TUSC3: variants seen among roughly 807,000 people sequenced by gnomAD.
The protein encoded by TUSC3 is dolichyl-diphosphooligosaccharide--protein glycosyltransferase subunit TUSC3.
TUSC3 carries 45 observed loss-of-function variants against 44.8 expected under a neutral mutation model. The ratio of observed to expected loss-of-function variants is 1.00; its 90% CI spans 0.79 to 1.29. The LOEUF (loss-of-function observed/expected upper bound fraction) is 1.29. Among genes scored for constraint, TUSC3 ranks in the 50% most tolerant of loss-of-function variants. The pLI, the probability that TUSC3 is intolerant of heterozygous loss-of-function variation, is 0.00. For synonymous variants in TUSC3, 212 were observed against 152.9 expected (o/e 1.39, Z -2.85); for missense variants, 519 against 437.9 (o/e 1.19, Z -1.65).
chr8:15,680,682 G>C (rs965772427), intron 6 of TUSC3, among the ~76,000 whole-genome samples: 3 of 152,018 alleles, frequency 2.0e-5, no homozygotes, highest in Non-Finnish European at 4.4e-5. Flanking sequence ...AGGGAGAATG[G>C]TTCCAGCTTT....
At chr8:15,811,632 G>A in the TUSC3 span, among the ~76,000 whole-genome samples, 1 of 152,162 alleles carries the variant, frequency 6.6e-6, no homozygotes, top group Non-Finnish European at 1.5e-5. Context: ...GAATGTGAGC[G>A]AACAGGTGAA....
chr8:15,592,388 G>A lies in TUSC3; in HGVS notation c.139-30692G>A, dbSNP rs1432852039. On this transcript the variant is annotated intron_variant, in intron 1 of 10. Transcript: ENST00000503731. ...CGCTCCAAATCTCATGTCAAAATGTGATCCCAATGTTGGAGGTGGCACCTG... is the reference window on the plus strand; with the variant it reads ...CGCTCCAAATCTCATGTCAAAATGTAATCCCAATGTTGGAGGTGGCACCTG... Among the ~76,000 whole-genome samples the A allele has an allele frequency of 5.9e-5, 9 of 152,146 alleles. No individual in the cohort carries two copies. The East Asian group carries it at 1.7e-3, about 29-fold the overall frequency.
chr8:15,655,581 A>C (rs1807122848), intron 3 of TUSC3, among the ~76,000 whole-genome samples: 1 of 152,126 alleles, frequency 6.6e-6, no homozygotes, highest in East Asian at 1.9e-4. Context: ...CTCCAAGTGC[A>C]CTTCCTTCTA....
intron 2 of TUSC3, among the ~76,000 whole-genome samples, chr8:15,484,200 G>A (rs1244401315): frequency 2.0e-5 from 3 of 151,828 alleles, no homozygotes; most frequent in African/African-American, 7.3e-5. Flanking sequence ...ATATTTACAT[G>A]CACTTATGCA....
At chr8:15,681,480 G>A (rs979412642) in intron 6 of TUSC3, among the ~76,000 whole-genome samples, 3 of 151,134 alleles carry the variant, frequency 2.0e-5, no homozygotes, top group Non-Finnish European at 4.4e-5. Flanking sequence ...ATATAGTGCC[G>A]AGTATCTTTT....
At chr8:15,476,326 G>C (rs938831120) in intron 1 of TUSC3, among the ~76,000 whole-genome samples, 1 of 152,012 alleles carries the variant, frequency 6.6e-6, no homozygotes, top group East Asian at 1.9e-4. Flanking sequence ...ATTCCTCTGC[G>C]TTCTATTATA....
chr8:15,701,203 C>A (rs1809390399), intron 6 of TUSC3, among the ~76,000 whole-genome samples: 1 of 152,070 alleles, frequency 6.6e-6, no homozygotes, highest in African/African-American at 2.4e-5. Flanking sequence ...CTGTAATAAT[C>A]AATGTAAAAC....
At chr8:15,563,680 C>T (rs1802560328) in intron 1 of TUSC3, among the ~76,000 whole-genome samples, 3 of 61,544 alleles carry the variant, frequency 4.9e-5, no homozygotes, top group Non-Finnish European at 6.4e-5. Context: ...AGTGAGCCTC[C>T]ATCTCAAAAA....
At chr8:15,788,240 C>G in the TUSC3 span, among the ~76,000 whole-genome samples, 2 of 151,104 alleles carry the variant, frequency 1.3e-5, no homozygotes, top group South Asian at 4.2e-4. Context: ...AAGCATTCTT[C>G]CATTCTTGTG....
At chr8:15,458,768 A>G (rs955670630) in intron 1 of TUSC3, among the ~76,000 whole-genome samples, 6 of 152,306 alleles carry the variant, frequency 3.9e-5, no homozygotes, top group Admixed American at 6.5e-5. Context: ...CTAAAAACCA[A>G]TCTTCACTAG....
chr8:15,528,589 A>G (rs1801408170), intron 2 of TUSC3, among the ~76,000 whole-genome samples: 2 of 152,326 alleles, frequency 1.3e-5, no homozygotes, highest in Admixed American at 6.5e-5. Flanking sequence ...TAGCAAAATT[A>G]TCTCTGCTTT....
chr8:15,661,300 G>C (rs1379468973), intron 4 of TUSC3, among the ~76,000 whole-genome samples: 1 of 151,988 alleles, frequency 6.6e-6, no homozygotes. Flanking sequence ...ATTTGGTCTA[G>C]AGTTAGATAT....
chr8:15,768,063 G>T (rs1372885208), downstream of TUSC3, among the ~76,000 whole-genome samples: 1 of 152,124 alleles, frequency 6.6e-6, no homozygotes, highest in Non-Finnish European at 1.5e-5. Context: ...AGGAAGTGAA[G>T]ACTAAAACAG....
At chr8:15,792,143 C>T in the TUSC3 span, among the ~76,000 whole-genome samples, 2 of 151,736 alleles carry the variant, frequency 1.3e-5, no homozygotes, top group African/African-American at 2.4e-5. Flanking sequence ...CACACACACA[C>T]ACCCTCTACC....
At position 15,662,272 on chromosome 8, in the gene TUSC3, G is replaced by GA; in HGVS notation, c.685dup (p.Thr229AsnfsTer31). 3.7e-6 allele frequency: 6 copies of GA among 1,612,912 alleles called. No homozygotes were observed. Among genetic ancestry groups the GA allele is most frequent in the Non-Finnish European group, 5.1e-6 (6 of 1,179,144 alleles). On this transcript the variant is annotated frameshift_variant, in exon 5 of 11. Transcript: ENST00000503731. LOFTEE classifies it high-confidence loss of function. Reference sequence around the variant, plus strand: ...ACAACTTGGAGTTCATCTATAACAAGACTGGTTGGGCCATGGTGTCTCTGG... The same window carrying GA: ...ACAACTTGGAGTTCATCTATAACAAGAACTGGTTGGGCCATGGTGTCTCTGG...
chr8:15,692,945 A>C (rs1440709450), intron 6 of TUSC3, among the ~76,000 whole-genome samples: 1 of 152,060 alleles, frequency 6.6e-6, no homozygotes, highest in East Asian at 1.9e-4. Flanking sequence ...TGTTGCTTTA[A>C]AGAATGTTTT....
intron 1 of TUSC3, among the ~76,000 whole-genome samples, chr8:15,471,958 T>C (rs903049649): frequency 2.0e-5 from 3 of 152,086 alleles, no homozygotes; most frequent in Non-Finnish European, 2.9e-5. Flanking sequence ...AATAACATAA[T>C]TGATGAATTT....
At chr8:15,665,055 C>T (rs1392090896) in intron 5 of TUSC3, among the ~76,000 whole-genome samples, 2 of 151,456 alleles carry the variant, frequency 1.3e-5, no homozygotes, top group East Asian at 3.9e-4. Context: ...CATTCAGATT[C>T]TCAAACATTT....
intron 1 of TUSC3, among the ~76,000 whole-genome samples, chr8:15,468,059 A>G (rs924136110): frequency 6.6e-6 from 1 of 152,236 alleles, no homozygotes; most frequent in African/African-American, 2.4e-5. Context: ...TAAAAAGAGA[A>G]TGAGTATCAG....
Sources: allele counts gnomAD v4.1 joint callset (sites outside exome capture counted in the v4.1 genomes callset), GRCh38; gene constraint gnomAD v4.1.1; transcripts MANE v1.5; gene names NCBI Gene and HGNC (gene_info 2026-07-23, HGNC 2026-07-21).